Variants in ADGRG7 observed in about 807,000 individuals in gnomAD.
ADGRG7 encodes the protein G-protein coupled receptor 128.
Under a neutral mutation model 88.6 loss-of-function variants are expected in ADGRG7, and 82 were observed. That is an observed-to-expected ratio of 0.93 (90% CI 0.77 to 1.11). ADGRG7 has a LOEUF of 1.11. ADGRG7 is among the 50% of genes most tolerant of loss of function. The pLI is 0.00. For synonymous variants in ADGRG7, 381 were observed against 345.2 expected (o/e 1.10, Z -1.15); for missense variants, 945 against 953.4 (o/e 0.99, Z 0.12).
At chr3:100,671,032 A>G (rs78584931) in intron 15 of ADGRG7, among the ~76,000 whole-genome samples, 2 of 152,206 alleles carry the variant, frequency 1.3e-5, no homozygotes, top group African/African-American at 4.8e-5. Flanking sequence ...GTGTCTTTAT[A>G]GCAGCATGAT....
chr3:100,660,886 A>G (rs897179903), intron 14 of ADGRG7, among the ~76,000 whole-genome samples: 1 of 149,984 alleles, frequency 6.7e-6, no homozygotes, highest in South Asian at 2.1e-4. Flanking sequence ...CAGGAGGTGG[A>G]GGTTGTGGTG....
At chr3:100,637,507 A>C in intron 6 of ADGRG7, 105 bp downstream of exon 6, 1 of 751,824 alleles carries the variant, frequency 1.3e-6, no homozygotes, top group Admixed American at 2.1e-5. Context: ...GGATGCAGTA[A>C]CTGACTGATT....
chr3:100,619,077 G>C (rs1429210737), intron 1 of ADGRG7, among the ~76,000 whole-genome samples: 1 of 152,138 alleles, frequency 6.6e-6, no homozygotes, highest in East Asian at 1.9e-4. Context: ...TGTATCATGA[G>C]ACTTTGGTGA....
intron 1 of ADGRG7, among the ~76,000 whole-genome samples, chr3:100,612,328 T>C (rs1707165903): frequency 6.6e-6 from 1 of 152,182 alleles, no homozygotes; most frequent in Non-Finnish European, 1.5e-5. Context: ...ATTTAATTAT[T>C]ATAATACCTA....
chr3:100,629,662 T>C lies in ADGRG7; in HGVS notation c.180T>C (p.Asn60=). 1.2e-6 allele frequency: 2 copies of C among 1,613,312 alleles called. No individual in the cohort carries two copies. Among genetic ancestry groups the C allele is most frequent in the Non-Finnish European group, 1.7e-6 (2 of 1,179,444 alleles). Residue 60 remains asparagine, a synonymous_variant, in exon 2 of 16, where the codon AAT becomes AAC. Transcript: ENST00000273352. ...GCAGGAATGGTGGAACCTGGGAAAA[T>C]GGCAGATGTATTTGTACAGAAGAGT... is the stretch of plus-strand genomic sequence containing the variant. ...EFCRNGGTWE[N]GRCICTEEWK... is the part of the protein sequence containing the mutation.
intron 1 of ADGRG7, among the ~76,000 whole-genome samples, chr3:100,611,856 T>TCACTC (rs1707158939): frequency 6.6e-6 from 1 of 152,176 alleles, no homozygotes; most frequent in Non-Finnish European, 1.5e-5. Flanking sequence ...TCTTTTCACT[T>TCACTC]CACTCCACTC....
In ADGRG7 at chr3:100,694,812, G is replaced by A; in HGVS notation, c.2205G>A (p.Leu735=). Reference sequence around the variant, plus strand: ...TCCAGAGTGAAGCTTCCAAAGTGTTGATGTTGCTATCGTCTATTGGGAGAA... The same window carrying A: ...TCCAGAGTGAAGCTTCCAAAGTGTTAATGTTGCTATCGTCTATTGGGAGAA... ...KVFQSEASKV[L]MLLSSIGRRK... The change falls in exon 16 of 16, where the codon TTG becomes TTA. Residue 735 remains leucine, a synonymous_variant. Coordinates refer to ENST00000273352, the MANE Select transcript of ADGRG7 (RefSeq NM_032787.3). 2 of 1,614,146 alleles carry A rather than the reference G, an allele frequency of 1.2e-6. No individual in the cohort carries two copies. Among genetic ancestry groups the A allele is most frequent in the Non-Finnish European group, 1.7e-6 (2 of 1,179,998 alleles).
chr3:100,630,942 C>A, intron 3 of ADGRG7, 133 bp downstream of exon 3: 1 of 404,532 alleles, frequency 2.5e-6, no homozygotes, highest in Non-Finnish European at 4.4e-6. Flanking sequence ...AACTCCCTTT[C>A]GTGATGCTAA....
At chr3:100,668,804 T>C (rs180964582) in intron 14 of ADGRG7, 145 bp from the exon 15 acceptor site, 218 of 501,614 alleles carry the variant, frequency 4.3e-4, no homozygotes, top group African/African-American at 3.4e-3. Flanking sequence ...AGACTTAGCA[T>C]CATTTTTCCA....
chr3:100,613,859 A>G (rs1707190963), intron 1 of ADGRG7, among the ~76,000 whole-genome samples: 1 of 152,192 alleles, frequency 6.6e-6, no homozygotes, highest in Non-Finnish European at 1.5e-5. Context: ...GGAAAAATGT[A>G]CAAGAGTAGG....
intron 1 of ADGRG7, among the ~76,000 whole-genome samples, chr3:100,619,594 C>T (rs1016241837): frequency 9.2e-5 from 14 of 152,052 alleles, no homozygotes; most frequent in African/African-American, 2.4e-4. Context: ...ACAAAAAACC[C>T]TTCAAAAAAT....
At chr3:100,665,347 G>A in intron 14 of ADGRG7, 1 of 540,770 alleles carries the variant, frequency 1.8e-6, no homozygotes, top group Non-Finnish European at 3.8e-6. Flanking sequence ...TCCTCATCCA[G>A]TACCACCAGG....
At chr3:100,619,794 A>G (rs1707281571) in intron 1 of ADGRG7, among the ~76,000 whole-genome samples, 1 of 152,172 alleles carries the variant, frequency 6.6e-6, no homozygotes. Flanking sequence ...ACGCAAATAA[A>G]CTAGAAAATC....
rs562620150 is a variant in ADGRG7, at chr3:100,646,229, T to A, written c.1110+121T>A. 425 of 343,060 alleles carry A rather than the reference T, an allele frequency of 1.2e-3. 1 individual carries two copies. The highest frequency in any genetic ancestry group is 8.7e-3 in the African/African-American group (360 of 41,294). 21.3% of individuals were successfully genotyped at this position (343,060 alleles called of 1,614,324 possible). On this transcript the variant is annotated intron_variant, in intron 9 of 15. Transcript: ENST00000273352. ...GAGAATAGGAGGGCGGGGGGGAGGGTTTTCCATGAACAGAAATAATAAAAA... is the reference window on the plus strand; with the variant it reads ...GAGAATAGGAGGGCGGGGGGGAGGGATTTCCATGAACAGAAATAATAAAAA...
chr3:100,678,499 T>G (rs1352170449), intron 15 of ADGRG7, among the ~76,000 whole-genome samples: 1 of 152,172 alleles, frequency 6.6e-6, no homozygotes, highest in African/African-American at 2.4e-5. Context: ...GATGCTTGGG[T>G]ATGTTCATTA....
chr3:100,692,339 A>C (rs543229633), intron 15 of ADGRG7, among the ~76,000 whole-genome samples: 1 of 152,328 alleles, frequency 6.6e-6, no homozygotes, highest in Non-Finnish European at 1.5e-5. Flanking sequence ...TATCAAATGG[A>C]AACTCCTAGA....
Position 100,635,748 on chromosome 3 carries a change from A to T in ADGRG7, c.519A>T (p.Lys173Asn). The T allele has an allele frequency of 6.2e-7, 1 of 1,614,080 alleles. No individual in the cohort carries two copies. Among genetic ancestry groups the T allele is most frequent in the Non-Finnish European group, 8.5e-7 (1 of 1,179,940 alleles). Residue 173 changes from lysine to asparagine, a missense_variant, in exon 5 of 16, where the codon AAA becomes AAT. Coordinates refer to ENST00000273352, the MANE Select transcript of ADGRG7 (RefSeq NM_032787.3). ...EVQILTSDAN[K>N]LTAENITSAT... ...AGATTTTAACATCTGATGCCAATAA[A>T]TTAACTGCTGAGAACATCACTAGTG... is the stretch of plus-strand genomic sequence containing the variant.
intron 9 of ADGRG7, among the ~76,000 whole-genome samples, chr3:100,646,365 A>G (rs1374292464): frequency 6.6e-6 from 1 of 152,220 alleles, no homozygotes; most frequent in South Asian, 2.1e-4. Context: ...CCTCCCAACC[A>G]TATCTGTTGT....
intron 2 of ADGRG7, 91 bp downstream of exon 2, chr3:100,629,802 A>T: frequency 8.8e-6 from 7 of 798,742 alleles, no homozygotes; most frequent in Non-Finnish European, 1.5e-5. Flanking sequence ...GCTTCAGTTA[A>T]TGGTTACAGA....
Sources: allele counts gnomAD v4.1 joint callset (sites outside exome capture counted in the v4.1 genomes callset), GRCh38; gene constraint gnomAD v4.1.1; transcripts MANE v1.5; gene names NCBI Gene and HGNC (gene_info 2026-07-23, HGNC 2026-07-21).